Variants in NECTIN3 observed in about 807,000 individuals in gnomAD.
The protein encoded by NECTIN3 is nectin cell adhesion molecule 3.
Under a neutral mutation model 49.4 loss-of-function variants are expected in NECTIN3, and 8 were observed. The ratio of observed to expected loss-of-function variants is 0.16; its 90% confidence interval spans 0.10 to 0.29. The LOEUF (loss-of-function observed/expected upper bound fraction) is 0.29. Among genes scored for constraint, NECTIN3 ranks in the 10% least tolerant of loss-of-function variants. The pLI is 1.00. For synonymous variants in NECTIN3, 277 were observed against 241.1 expected (o/e 1.15, Z -1.38); for missense variants, 581 against 654.6 (o/e 0.89, Z 1.23).
intron 7 of NECTIN3, among the ~76,000 whole-genome samples, chr3:111,171,110 G>A (rs1286393345): frequency 1.3e-5 from 2 of 152,242 alleles, no homozygotes; most frequent in South Asian, 2.1e-4. Context: ...TCATAACAAC[G>A]TTGTGAAGCA....
At chr3:111,157,180 G>T (rs778215053) in intron 7 of NECTIN3, among the ~76,000 whole-genome samples, 1 of 152,114 alleles carries the variant, frequency 6.6e-6, no homozygotes, top group African/African-American at 2.4e-5. Flanking sequence ...TTTAGTTTCA[G>T]TCATTGATAC....
Position 111,137,486 on chromosome 3 carries a change from C to T in NECTIN3, c.*3271C>T. On this transcript the variant is annotated 3_prime_UTR_variant, in exon 6 of 6. Coordinates refer to ENST00000485303, the MANE Select transcript of NECTIN3 (RefSeq NM_015480.3). ...TTTTGTTTTTTCTTTTTTAACCAAC[C>T]TGTGTATTAGGTGTTAGCCCCAATA... 1.1e-6 allele frequency: 1 copy of T among 921,978 alleles called. No individual in the cohort carries two copies. Among genetic ancestry groups the T allele is most frequent in the Non-Finnish European group, 1.2e-6 (1 of 800,498 alleles). The allele number at this position is 921,978 out of a possible 1,614,324, so 57.1% of individuals were successfully genotyped here. A position where few individuals can be genotyped will look rare whatever the true frequency, so the allele number is the denominator to read the frequency against.
At chr3:111,116,808 A>G (rs193109602) in intron 2 of NECTIN3, among the ~76,000 whole-genome samples, 29 of 152,204 alleles carry the variant, frequency 1.9e-4, no homozygotes, top group African/African-American at 7.0e-4. Context: ...ACCATTACAT[A>G]CCTATCAGAT....
intron 1 of NECTIN3, among the ~76,000 whole-genome samples, chr3:111,089,972 G>A (rs757792669): frequency 1.6e-4 from 25 of 152,024 alleles, no homozygotes; most frequent in Admixed American, 3.3e-4. Flanking sequence ...TTCCTGGGAC[G>A]TGGCTCTTTT....
intron 1 of NECTIN3, among the ~76,000 whole-genome samples, chr3:111,096,063 G>A (rs1432543470): frequency 2.0e-5 from 3 of 152,226 alleles, no homozygotes; most frequent in South Asian, 2.1e-4. Flanking sequence ...ACAGAAAAAT[G>A]TGGGAAAGTT....
intron 1 of NECTIN3, among the ~76,000 whole-genome samples, chr3:111,093,051 T>C (rs948581748): frequency 5.9e-5 from 9 of 152,204 alleles, no homozygotes; most frequent in Non-Finnish European, 1.2e-4. Context: ...TTTGTTGGTA[T>C]TGTCAGTGGC....
chr3:111,078,900 G>T (rs1237353837), intron 1 of NECTIN3, among the ~76,000 whole-genome samples: 1 of 152,058 alleles, frequency 6.6e-6, no homozygotes, highest in Non-Finnish European at 1.5e-5. Context: ...CTGCTTCTGT[G>T]AGATGTATCG....
chr3:111,169,079 CTTTTTTT>C (rs142606359), intron 7 of NECTIN3, among the ~76,000 whole-genome samples: 1 of 104,132 alleles, frequency 9.6e-6, no homozygotes, highest in African/African-American at 4.5e-5. Flanking sequence ...ACTATTCAAA[CTTTTTTT>C]TTTTTTTTTT....
chr3:111,185,813 G>A (rs1462621155), intron 7 of NECTIN3, among the ~76,000 whole-genome samples: 1 of 152,198 alleles, frequency 6.6e-6, no homozygotes, highest in Non-Finnish European at 1.5e-5. Flanking sequence ...GTTCTGGTGG[G>A]TGGGTAAAGA....
intron 1 of NECTIN3, among the ~76,000 whole-genome samples, chr3:111,194,067 A>G (rs915915733): frequency 6.6e-6 from 1 of 152,170 alleles, no homozygotes; most frequent in Non-Finnish European, 1.5e-5. Flanking sequence ...AGCTGTATGT[A>G]ACAAAGGCTC....
chr3:111,156,867 A>C (rs1314504675), intron 7 of NECTIN3, among the ~76,000 whole-genome samples: 1 of 152,192 alleles, frequency 6.6e-6, no homozygotes, highest in Admixed American at 6.5e-5. Flanking sequence ...TTTCAAACCA[A>C]GATGTTCATC....
chr3:111,147,958 G>C (rs1394775764), intron 7 of NECTIN3, among the ~76,000 whole-genome samples: 1 of 152,160 alleles, frequency 6.6e-6, no homozygotes, highest in African/African-American at 2.4e-5. Flanking sequence ...TATTGATTCA[G>C]TGCTTCTATC....
Position 111,137,099 on chromosome 3 carries a change from A to G in NECTIN3, c.*2884A>G, listed in dbSNP as rs996232353. On this transcript the variant is annotated 3_prime_UTR_variant, in exon 6 of 6. Transcript: ENST00000485303. ...TTAAGGAGCTGTAGGAGTACAGTGT[A>G]TAAGTACAGAAATTGAGAGAAATGT... 11 of 982,662 alleles carry G rather than the reference A, an allele frequency of 1.1e-5. No individual in the cohort carries two copies. The East Asian group carries it at 5.7e-4, about 51-fold the overall frequency. The allele number at this position is 982,662 out of a possible 1,614,324, so 60.9% of individuals were successfully genotyped here. A position where few individuals can be genotyped will look rare whatever the true frequency, so the allele number is the denominator to read the frequency against.
intron 1 of NECTIN3, among the ~76,000 whole-genome samples, chr3:111,080,615 G>T (rs2031532329): frequency 1.3e-5 from 2 of 151,806 alleles, no homozygotes; most frequent in Non-Finnish European, 1.5e-5. Flanking sequence ...TTCAGGAATG[G>T]GTTAAGTAAT....
intron 1 of NECTIN3, among the ~76,000 whole-genome samples, chr3:111,100,687 T>C (rs937949498): frequency 1.3e-5 from 2 of 151,868 alleles, no homozygotes; most frequent in African/African-American, 4.8e-5. Flanking sequence ...AATATTTAAA[T>C]AGTAATTTAA....
chr3:111,084,939 G>A (rs1046950334), intron 1 of NECTIN3, among the ~76,000 whole-genome samples: 2 of 152,194 alleles, frequency 1.3e-5, no homozygotes, highest in Non-Finnish European at 2.9e-5. Flanking sequence ...CTGGAAGTCT[G>A]AAATCAAGGT....
chr3:111,131,142 C>A (rs896338575), intron 5 of NECTIN3, among the ~76,000 whole-genome samples: 5 of 151,836 alleles, frequency 3.3e-5, no homozygotes, highest in South Asian at 2.1e-4. Context: ...TAAAAATATA[C>A]CTTAGAAGAC....
At chr3:111,143,054 T>A (rs1211966132) in intron 5 of NECTIN3, among the ~76,000 whole-genome samples, 1 of 151,812 alleles carries the variant, frequency 6.6e-6, no homozygotes, top group Non-Finnish European at 1.5e-5. Flanking sequence ...CTATTAAGGA[T>A]TGAGTAGGAC....
intron 6 of NECTIN3, among the ~76,000 whole-genome samples, chr3:111,146,754 A>C (rs542086909): frequency 6.6e-6 from 1 of 152,284 alleles, no homozygotes; most frequent in Non-Finnish European, 1.5e-5. Flanking sequence ...ATATTTATAA[A>C]ATTTTGTAAA....
Sources: gnomAD v4.1 joint callset for allele counts (sites outside exome capture counted in the v4.1 genomes callset) on GRCh38, gnomAD v4.1.1 for gene constraint, MANE v1.5 for transcripts, NCBI Gene and HGNC (gene_info 2026-07-23, HGNC 2026-07-21) for gene names.